The following SLIT3 variants were observed in gnomAD, a reference collection of about 807,000 sequenced individuals.
The protein encoded by SLIT3 is slit homolog 3 protein.
A neutral mutation model predicts 184.0 loss-of-function variants in SLIT3; 68 were observed. The observed-to-expected ratio is 0.37, with a 90% CI of 0.30 to 0.45. The LOEUF (loss-of-function observed/expected upper bound fraction) is 0.45, where lower values mean the gene tolerates loss of function less well. Among genes scored for constraint, SLIT3 ranks in the 20% least tolerant of loss-of-function variants. The pLI, the probability that SLIT3 is intolerant of heterozygous loss-of-function variation, is 1.00. For missense variants in SLIT3, 1,707 were observed against 2,026.0 expected, an observed-to-expected ratio of 0.84 and a Z score of 3.02; for synonymous variants, 831 against 828.6, an observed-to-expected ratio of 1.00 and a Z score of -0.05.
intron 9 of SLIT3, among the ~76,000 whole-genome samples, chr5:168,796,747 C>A (rs1428604579): frequency 6.6e-6 from 1 of 152,152 alleles, no homozygotes; most frequent in Non-Finnish European, 1.5e-5. Flanking sequence ...TTAATTTGTG[C>A]CTCTGTGATC....
chr5:169,131,324 G>T lies in SLIT3; in HGVS notation c.413+62155C>A, dbSNP rs899028228. 2.0e-5 allele frequency among the ~76,000 whole-genome samples: 3 copies of T among 152,148 alleles called. No homozygotes were observed. The East Asian group carries it at 5.8e-4, about 29-fold the overall frequency. ...CCTGGAGCAGCATCAATATCATCTG[G>T]GAACTTGCTAGAAATGCAGGTTCTC... On this transcript the variant is annotated intron_variant, in intron 4 of 35. Coordinates refer to ENST00000519560, the MANE Select transcript of SLIT3 (RefSeq NM_003062.4).
chr5:168,995,042 G>A (rs950661764), intron 4 of SLIT3, among the ~76,000 whole-genome samples: 1 of 152,122 alleles, frequency 6.6e-6, no homozygotes, highest in Non-Finnish European at 1.5e-5. Flanking sequence ...GGAAACTGAG[G>A]CACAGTGAAA....
intron 6 of SLIT3, among the ~76,000 whole-genome samples, chr5:168,825,497 A>G (rs1297828009): frequency 5.3e-5 from 8 of 151,436 alleles, no homozygotes; most frequent in African/African-American, 1.9e-4. Flanking sequence ...CATGTGTCTG[A>G]CACTGTTAGG....
chr5:169,198,703 G>A (rs2113482014), intron 3 of SLIT3, among the ~76,000 whole-genome samples: 1 of 152,262 alleles, frequency 6.6e-6, no homozygotes, highest in East Asian at 1.9e-4. Context: ...GGAGGCCAAG[G>A]TGGGCAGATC....
chr5:169,161,438 G>T (rs1405169488), intron 4 of SLIT3, among the ~76,000 whole-genome samples: 1 of 152,168 alleles, frequency 6.6e-6, no homozygotes, highest in Non-Finnish European at 1.5e-5. Flanking sequence ...CTCCATGGGG[G>T]AGCTGCAAAT....
At chr5:168,881,003 G>A (rs1759929868) in intron 5 of SLIT3, among the ~76,000 whole-genome samples, 1 of 152,238 alleles carries the variant, frequency 6.6e-6, no homozygotes. Context: ...TGCCTGACAA[G>A]TGCCTGCTGA....
rs73308277 is a variant in SLIT3, at chr5:168,803,740, A to T, written c.935+2706T>A. ...GGTCTATGGCTGCCAAAGAGAAAAA[A>T]ACCTGGCAGATGGAAGGAGAAAAGA... On this transcript the variant is annotated intron_variant, in intron 9 of 35. Coordinates refer to ENST00000519560, the MANE Select transcript of SLIT3 (RefSeq NM_003062.4). Among the ~76,000 whole-genome samples, 555 of 152,274 alleles carry T rather than the reference A, an allele frequency of 3.6e-3. 7 individuals carry two copies. Among genetic ancestry groups the T allele is most frequent in the African/African-American group, 0.013 (525 of 41,546 alleles).
chr5:169,014,158 A>G (rs568079373), intron 4 of SLIT3, among the ~76,000 whole-genome samples: 1 of 151,654 alleles, frequency 6.6e-6, no homozygotes, highest in Non-Finnish European at 1.5e-5. Flanking sequence ...GATATCTCAA[A>G]GCTTTATGAC....
intron 20 of SLIT3, among the ~76,000 whole-genome samples, chr5:168,728,879 C>A (rs1763213807): frequency 6.6e-6 from 1 of 151,208 alleles, no homozygotes; most frequent in Admixed American, 6.6e-5. Context: ...GATCACACCA[C>A]TGCACTTCAG....
At chr5:169,080,618 T>C (rs1758995029) in intron 4 of SLIT3, among the ~76,000 whole-genome samples, 1 of 151,936 alleles carries the variant, frequency 6.6e-6, no homozygotes, top group Non-Finnish European at 1.5e-5. Flanking sequence ...GTCTCCTCCT[T>C]AACACCTCTG....
At chr5:169,156,800 A>C (rs1311195855) in intron 4 of SLIT3, among the ~76,000 whole-genome samples, 1 of 152,216 alleles carries the variant, frequency 6.6e-6, no homozygotes, top group Non-Finnish European at 1.5e-5. Flanking sequence ...CATCACACTG[A>C]GTTGAATTTA....
intron 2 of SLIT3, among the ~76,000 whole-genome samples, chr5:169,251,040 C>T (rs558483215): frequency 1.1e-4 from 16 of 152,196 alleles, no homozygotes; most frequent in Non-Finnish European, 2.2e-4. Context: ...TTTTAATGCA[C>T]AGGCTGGAGA....
chr5:168,670,991 C>T (rs557202540), intron 34 of SLIT3, among the ~76,000 whole-genome samples: 3 of 152,246 alleles, frequency 2.0e-5, no homozygotes, highest in African/African-American at 7.2e-5. Context: ...GCAGGGCCCT[C>T]TTATGCTGAT....
intron 6 of SLIT3, among the ~76,000 whole-genome samples, chr5:168,841,991 T>C (rs151318730): frequency 6.6e-6 from 1 of 152,346 alleles, no homozygotes; most frequent in East Asian, 1.9e-4. Flanking sequence ...TTTATCAAGC[T>C]AATGTGTAAT....
chr5:169,296,914 C>G (rs1767519190), intron 1 of SLIT3, among the ~76,000 whole-genome samples: 1 of 152,226 alleles, frequency 6.6e-6, no homozygotes, highest in Admixed American at 6.5e-5. Flanking sequence ...AGAAGTGGGC[C>G]TCTGCCTGCC....
intron 4 of SLIT3, among the ~76,000 whole-genome samples, chr5:169,147,889 G>T (rs1483197132): frequency 6.6e-6 from 1 of 152,192 alleles, no homozygotes; most frequent in Non-Finnish European, 1.5e-5. Flanking sequence ...AGAGCTGTGT[G>T]CCTTTCCCTT....
chr5:168,768,888 G>A (rs1283714779), intron 14 of SLIT3, among the ~76,000 whole-genome samples: 1 of 152,198 alleles, frequency 6.6e-6, no homozygotes, highest in East Asian at 1.9e-4. Flanking sequence ...TAGAGGAGCA[G>A]TGGGGTGTCA....
intron 3 of SLIT3, among the ~76,000 whole-genome samples, chr5:169,207,385 A>G (rs1246763292): frequency 6.7e-6 from 1 of 149,646 alleles, no homozygotes; most frequent in Admixed American, 6.6e-5. Context: ...ACACACACAC[A>G]CACACACACA....
chr5:168,844,576 C>T lies in SLIT3; in HGVS notation c.557+8G>A, dbSNP rs752988783. 2 of 1,613,900 alleles carry T rather than the reference C, an allele frequency of 1.2e-6. No homozygotes were observed. Among genetic ancestry groups the T allele is most frequent in the African/African-American group, 2.7e-5 (2 of 74,946 alleles). On this transcript the variant is annotated splice_region_variant and intron_variant, in intron 6 of 35. Coordinates refer to ENST00000519560, the MANE Select transcript of SLIT3 (RefSeq NM_003062.4). ...ACACACAAGGCAGCGATCGCAAAAT[C>T]AACTCACAGGATCTCCAAATCGCGC...
Sources: gnomAD v4.1 joint callset for allele counts (sites outside exome capture counted in the v4.1 genomes callset) on GRCh38, gnomAD v4.1.1 for gene constraint, MANE v1.5 for transcripts, NCBI Gene and HGNC (gene_info 2026-07-23, HGNC 2026-07-21) for gene names.